The following NR4A3 variants were observed in gnomAD, a reference collection of about 807,000 sequenced individuals.
The protein encoded by NR4A3 is chondrosarcoma, extraskeletal myxoid, fused to EWS.
A neutral mutation model predicts 55.6 loss-of-function variants in NR4A3; 13 were observed. That is an observed-to-expected ratio of 0.23 (90% CI 0.15 to 0.37). The LOEUF (loss-of-function observed/expected upper bound fraction) is 0.37, where lower values mean the gene tolerates loss of function less well. Ranked by LOEUF, NR4A3 falls within the 10% of genes least tolerant of loss-of-function variation. The probability of loss-of-function intolerance (pLI) is 1.00; values close to 1 mark genes in which losing one functional copy is unlikely to be tolerated. For missense variants in NR4A3, 646 were observed against 822.8 expected, an observed-to-expected ratio of 0.79 and a Z score of 2.63; for synonymous variants, 342 against 357.9, an observed-to-expected ratio of 0.96 and a Z score of 0.50.
intron 5 of NR4A3, among the ~76,000 whole-genome samples, chr9:99,838,083 T>G (rs1827591260): frequency 6.6e-6 from 1 of 152,208 alleles, no homozygotes; most frequent in Admixed American, 6.5e-5. Flanking sequence ...TCAAAACATG[T>G]CACGTTTGAT....
At position 99,828,752 on chromosome 9, in the gene NR4A3, C is replaced by T; in HGVS notation, c.710C>T (p.Ala237Val). 7.4e-7 allele frequency: 1 copy of T among 1,351,920 alleles called. No individual in the cohort carries two copies. The highest frequency in any genetic ancestry group is 1.7e-5 in the South Asian group (1 of 57,454). The allele number at this position is 1,351,920 out of a possible 1,614,324, so 83.7% of individuals were successfully genotyped here. Residue 237 changes from alanine to valine, a missense_variant, in exon 3 of 8, where the codon GCG becomes GTG. Physicochemically the swap from Ala to Val is moderately conservative, Grantham distance 64 (BLOSUM62 0). Around this residue, in one of 5 missense-constraint regions of NR4A3, gnomAD observed 426 missense variants for 429.4 expected, o/e 0.99. Transcript: ENST00000395097. The surrounding 1 kb of genome is among the most constrained non-coding windows in gnomAD (Gnocchi z 7.7). Reference sequence around the variant, plus strand: ...GCCGCCGCGGGCAGCCAGGCCGCCGCGCTTGAGAGCCACCCGTACGGGCTG... The same window carrying T: ...GCCGCCGCGGGCAGCCAGGCCGCCGTGCTTGAGAGCCACCCGTACGGGCTG... ...AAAAAGSQAA[A>V]LESHPYGLPL...
intron 5 of NR4A3, among the ~76,000 whole-genome samples, chr9:99,842,964 T>C (rs1202098858): frequency 6.6e-6 from 1 of 152,204 alleles, no homozygotes; most frequent in African/African-American, 2.4e-5. Context: ...TGCACAGCCA[T>C]GTTAATGTGA....
At chr9:99,844,934 GT>G (rs1827728050) in intron 6 of NR4A3, 86 bp downstream of exon 6, 1 of 1,043,414 alleles carries the variant, frequency 9.6e-7, no homozygotes, top group South Asian at 1.4e-5. Context: ...TTGGTGAAAC[GT>G]TTTCTCAAGA....
At chr9:99,845,479 T>C (rs1228557643) in intron 6 of NR4A3, among the ~76,000 whole-genome samples, 1 of 152,234 alleles carries the variant, frequency 6.6e-6, no homozygotes, top group Non-Finnish European at 1.5e-5. Flanking sequence ...TGTAGATTTT[T>C]TAAAGTTTAT....
At position 99,827,296 on chromosome 9, in the gene NR4A3, A is replaced by G. The variant is rs1032370322; in HGVS notation, c.-2-745A>G. ...TGTGTGTGTGTGTGTGTGTGTATAT[A>G]TATATATATGGGTGGGTGTTTTGTT... is the stretch of plus-strand genomic sequence containing the variant. On this transcript the variant is annotated intron_variant, in intron 2 of 7. Transcript: ENST00000395097. Among the ~76,000 whole-genome samples, 58 of 151,352 alleles carry G rather than the reference A, an allele frequency of 3.8e-4. No homozygotes were observed. The South Asian group carries it at 6.1e-3, about 16-fold the overall frequency.
chr9:99,856,832 C>G (rs1454246454), intron 7 of NR4A3, among the ~76,000 whole-genome samples: 2 of 152,156 alleles, frequency 1.3e-5, no homozygotes, highest in Non-Finnish European at 1.5e-5. Context: ...AGCAAGTTCC[C>G]CAGTGATGCT....
In NR4A3 at chr9:99,828,282, G is replaced by T; in HGVS notation, c.240G>T (p.Gln80His). The change falls in exon 3 of 8, where the codon CAG (glutamine) becomes CAT (histidine). Residue 80 changes from glutamine to histidine, a missense_variant. Coordinates refer to ENST00000395097, the MANE Select transcript of NR4A3 (RefSeq NM_006981.4). The surrounding 1 kb of genome is among the most constrained non-coding windows in gnomAD (Gnocchi z 7.7). The stretch of plus-strand genomic sequence containing the variant: ...AGCCTTCCTGCGTGTACCAAATGCA[G>T]CGGCCCTTGATCAAAGTGGAGGAGG... Reference protein sequence around the residue: ...ELKPSCVYQMQRPLIKVEEGR... With the variant: ...ELKPSCVYQMHRPLIKVEEGR... 1.2e-6 allele frequency: 2 copies of T among 1,613,916 alleles called. No homozygotes were observed. Among genetic ancestry groups the T allele is most frequent in the Non-Finnish European group, 1.7e-6 (2 of 1,179,982 alleles).
In NR4A3 at chr9:99,844,924, T is replaced by A. The variant is rs1827727734; in HGVS notation, c.1454+76T>A. On this transcript the variant is annotated intron_variant, in intron 6 of 7. Transcript: ENST00000395097. ...ACCTTCTGTGTTTGTAACTGAATCATTGGTGAAACGTTTTCTCAAGAAGCA... is the reference window on the plus strand; with the variant it reads ...ACCTTCTGTGTTTGTAACTGAATCAATGGTGAAACGTTTTCTCAAGAAGCA... 3.5e-6 allele frequency: 4 copies of A among 1,140,688 alleles called. No homozygotes were observed. In the East Asian group the frequency reaches 9.6e-5, roughly 27 times the overall value. The allele number at this position is 1,140,688 out of a possible 1,614,324, so 70.7% of individuals were successfully genotyped here.
At chr9:99,858,060 C>G (rs1193709903) in intron 7 of NR4A3, among the ~76,000 whole-genome samples, 1 of 152,144 alleles carries the variant, frequency 6.6e-6, no homozygotes, top group Non-Finnish European at 1.5e-5. Flanking sequence ...TGAGCAAATA[C>G]AGTTCATGCC....
chr9:99,833,557 TAGAC>T lies in NR4A3; in HGVS notation c.1254+106_1254+109del, dbSNP rs773926808. 3.6e-5 allele frequency: 58 copies of T among 1,610,828 alleles called. No individual in the cohort carries two copies. The African/African-American group carries it at 7.6e-4, about 21-fold the overall frequency. On this transcript the variant is annotated intron_variant, in intron 5 of 7. Coordinates refer to ENST00000395097, the MANE Select transcript of NR4A3 (RefSeq NM_006981.4). ...AATGATTTTGTGTCTGGCACCATGT[TAGAC>T]AGTTTTCATACTTTTTCTATATTTC...
At position 99,863,924 on chromosome 9, in the gene NR4A3, CAAAGGG is replaced by C; in HGVS notation, c.*59_*64del. 1 of 1,556,570 alleles carries C rather than the reference CAAAGGG, an allele frequency of 6.4e-7. No homozygotes were observed. Among genetic ancestry groups the C allele is most frequent in the Non-Finnish European group, 8.7e-7 (1 of 1,149,974 alleles). On this transcript the variant is annotated 3_prime_UTR_variant, in exon 8 of 8. Transcript: ENST00000395097. ...CTCCTAGCACCTGCTTGCTACGCAG[CAAAGGG>C]ATAGGTTTGGAAACCTATCATTTCC...
In NR4A3 at chr9:99,828,815, C is replaced by T. The variant is rs112002668; in HGVS notation, c.773C>T (p.Pro258Leu). ...AKRAAPLAFP[P>L]LGLTPSPTAS... ...AGGGCGGCCCCGCTGGCCTTCCCGC[C>T]TCTCGGCCTCACGCCCTCCCCTACC... The change falls in exon 3 of 8, where the codon CCT (proline) becomes CTT (leucine). Residue 258 changes from proline to leucine, a missense_variant. By Grantham distance (98) the Pro-to-Leu change is moderately conservative. Transcript: ENST00000395097. The surrounding 1 kb of genome is among the most constrained non-coding windows in gnomAD (Gnocchi z 7.7). The T allele has an allele frequency of 1.4e-5, 21 of 1,474,368 alleles. No homozygotes were observed. Among genetic ancestry groups the T allele is most frequent in the Non-Finnish European group, 1.7e-5 (19 of 1,116,900 alleles). The allele number at this position is 1,474,368 out of a possible 1,614,324, so 91.3% of individuals were successfully genotyped here.
intron 7 of NR4A3, among the ~76,000 whole-genome samples, chr9:99,849,537 ACTGGTTCAAGG>A (rs1447499027): frequency 2.6e-5 from 4 of 152,224 alleles, no homozygotes; most frequent in African/African-American, 9.6e-5. Flanking sequence ...CTGGAAGGAA[ACTGGTTCAAGG>A]CTGCCTTTGA....
rs951353406 is a variant in NR4A3 at position 99,822,683 on chromosome 9, A to T, written c.-177+276A>T. ...AAAGAGGAGGACCGGGATTTGTGCT[A>T]TAGCGGCTCCAGCGATGTAATTCAG... On this transcript the variant is annotated intron_variant, in intron 1 of 7. Coordinates refer to ENST00000395097, the MANE Select transcript of NR4A3 (RefSeq NM_006981.4). The surrounding 1 kb of genome is among the most constrained non-coding windows in gnomAD (Gnocchi z 4.9). Among the ~76,000 whole-genome samples, 1 of 152,152 alleles carries T rather than the reference A, an allele frequency of 6.6e-6. No homozygotes were observed. Among genetic ancestry groups the T allele is most frequent in the South Asian group, 2.1e-4 (1 of 4,830 alleles).
At chr9:99,823,783 C>T (rs1367456424) in intron 1 of NR4A3, among the ~76,000 whole-genome samples, 1 of 151,090 alleles carries the variant, frequency 6.6e-6, no homozygotes, top group African/African-American at 2.4e-5. Flanking sequence ...ACCGTGCGCT[C>T]ACAGAAATTC....
intron 3 of NR4A3, among the ~76,000 whole-genome samples, chr9:99,831,097 A>G (rs908640040): frequency 3.9e-5 from 6 of 152,336 alleles, no homozygotes; most frequent in Admixed American, 2.6e-4. Context: ...GCAGTTAATG[A>G]TAGGAATTCG....
At position 99,833,282 on chromosome 9, in the gene NR4A3, T is replaced by G. The variant is rs1827484021; in HGVS notation, c.1082T>G (p.Val361Gly). Residue 361 changes from valine (V) to glycine (G), a missense_variant and splice_region_variant, in exon 5 of 8, where the codon GTT becomes GGT. Transcript: ENST00000395097. Reference protein sequence around the residue: ...KCLSVGMVKEVVRTDSLKGRR... With the variant: ...KCLSVGMVKEGVRTDSLKGRR... Reference sequence around the variant, plus strand: ...TTTTCTTTGTCTCTTTTGGCATCAGTTGTCCGTACAGATAGTCTGAAAGGG... The same window carrying G: ...TTTTCTTTGTCTCTTTTGGCATCAGGTGTCCGTACAGATAGTCTGAAAGGG... The G allele has an allele frequency of 6.3e-7, 1 of 1,578,276 alleles. No homozygotes were observed. The highest frequency in any genetic ancestry group is 8.6e-7 in the Non-Finnish European group (1 of 1,163,618).
chr9:99,853,525 G>T (rs1351673816), intron 7 of NR4A3, among the ~76,000 whole-genome samples: 4 of 85,054 alleles, frequency 4.7e-5, no homozygotes, highest in Non-Finnish European at 9.4e-5. Context: ...TCCCCTTCCT[G>T]TGTCCATGTG....
At chr9:99,837,737 G>A (rs558598638) in intron 5 of NR4A3, among the ~76,000 whole-genome samples, 3 of 152,240 alleles carry the variant, frequency 2.0e-5, no homozygotes, top group African/African-American at 7.2e-5. Context: ...TCAAGTTTGA[G>A]AGTTGATTTG....
Sources: allele counts gnomAD v4.1 joint callset (sites outside exome capture counted in the v4.1 genomes callset), GRCh38; gene constraint gnomAD v4.1.1; regional missense constraint gnomAD v4.1.1; non-coding constraint Gnocchi (gnomAD v3.1); transcripts MANE v1.5; gene names NCBI Gene and HGNC (gene_info 2026-07-23, HGNC 2026-07-21).